Variants in DZANK1 observed in about 807,000 individuals in gnomAD.
DZANK1 encodes the protein double zinc ribbon and ankyrin repeat domains 1, also known as double zinc ribbon and ankyrin repeat-containing protein 1.
DZANK1 carries 91 observed loss-of-function variants against 94.5 expected under a neutral mutation model. That is an observed-to-expected ratio of 0.96 (90% CI 0.81 to 1.15). DZANK1 has a LOEUF of 1.15. DZANK1 is among the 50% of genes most tolerant of loss of function. The probability of loss-of-function intolerance (pLI) is 0.00; values close to 1 mark genes in which losing one functional copy is unlikely to be tolerated. For missense variants in DZANK1, 903 were observed against 916.4 expected, an observed-to-expected ratio of 0.99 and a Z score of 0.19; for synonymous variants, 312 against 325.3, an observed-to-expected ratio of 0.96 and a Z score of 0.44.
chr20:18,436,471 C>G (rs6081139), intron 8 of DZANK1, among the ~76,000 whole-genome samples: 99,742 of 147,968 alleles, frequency 0.67, 35,069 homozygotes, highest in Non-Finnish European at 0.78. Context: ...ATCACCAGAG[C>G]GACTCAACAG....
intron 13 of DZANK1, among the ~76,000 whole-genome samples, chr20:18,409,519 T>C (rs1600824130): frequency 6.7e-6 from 1 of 149,562 alleles, no homozygotes; most frequent in Non-Finnish European, 1.5e-5. Flanking sequence ...TTCTTTAGGC[T>C]GAAAGCACAT....
At chr20:18,413,853 T>TC (rs1294546078) in intron 12 of DZANK1, among the ~76,000 whole-genome samples, 37 of 152,180 alleles carry the variant, frequency 2.4e-4, no homozygotes, top group African/African-American at 8.9e-4. Flanking sequence ...TGATCAATCT[T>TC]TAACTTCTTA....
At position 18,405,986 on chromosome 20, in the gene DZANK1, G is replaced by A. The variant is rs567417151; in HGVS notation, c.1432+6660C>T. Among the ~76,000 whole-genome samples, 16 of 152,352 alleles carry A rather than the reference G, an allele frequency of 1.1e-4. No homozygotes were observed. In the East Asian group the frequency reaches 3.1e-3, roughly 29 times the overall value. On this transcript the variant is annotated intron_variant, in intron 13 of 20. Transcript: ENST00000262547. ...TGGGCTCAGCCAGTGCCCGCACATG[G>A]AGGGAGCATTTGGACCAACCGTAGC...
intron 2 of DZANK1, among the ~76,000 whole-genome samples, chr20:18,461,031 G>A (rs533765264): frequency 1.3e-3 from 198 of 152,270 alleles, no homozygotes; most frequent in African/African-American, 4.6e-3. Context: ...CCCTGCTCTT[G>A]AACCACTATG....
chr20:18,410,629 G>A (rs1160969320), intron 13 of DZANK1, among the ~76,000 whole-genome samples: 1 of 152,078 alleles, frequency 6.6e-6, no homozygotes, highest in Non-Finnish European at 1.5e-5. Context: ...AAACAAACAG[G>A]GATTGTCAGA....
rs1316933115 is a variant in DZANK1 at position 18,441,428 on chromosome 20, C to A, written c.747+1919G>T. ...ACATAGAAACCACAACTAATTTGAA[C>A]AGGAAAAGTTCATATAAATAGTTAT... On this transcript the variant is annotated intron_variant, in intron 8 of 20. Coordinates refer to ENST00000262547, the Ensembl canonical transcript of DZANK1. This position sits in a 1 kb window ranked among gnomAD's most constrained non-coding sequence, Gnocchi z 4.1. 1.3e-5 allele frequency among the ~76,000 whole-genome samples: 2 copies of A among 152,148 alleles called. No homozygotes were observed. The highest frequency in any genetic ancestry group is 1.5e-5 in the Non-Finnish European group (1 of 68,040).
Position 18,422,799 on chromosome 20 carries a change from C to CTTTTTTTTTT in DZANK1, c.954+4258_954+4267dup, listed in dbSNP as rs55683540. On this transcript the variant is annotated intron_variant, in intron 10 of 20. Coordinates refer to ENST00000262547, the Ensembl canonical transcript of DZANK1. ...GAAGTGTGATGTCTCTGGCTTTGTT[C>CTTTTTTTTTT]TTTTTTTTTTTTTTTCTCAAAATTG... Among the ~76,000 whole-genome samples, 103 of 124,718 alleles carry CTTTTTTTTTT rather than the reference C, an allele frequency of 8.3e-4. 4 individuals are homozygous for CTTTTTTTTTT. The highest frequency in any genetic ancestry group is 1.2e-3 in the Non-Finnish European group (73 of 60,264). 81.8% of individuals were successfully genotyped at this position (124,718 alleles called of 152,430 possible).
At chr20:18,442,331 T>C (rs1721254517) in intron 8 of DZANK1, among the ~76,000 whole-genome samples, 1 of 152,214 alleles carries the variant, frequency 6.6e-6, no homozygotes, top group Non-Finnish European at 1.5e-5. Context: ...TGGGACTTGT[T>C]CATATTTTGT....
exon 13 of DZANK1, chr20:18,412,681 T>C: frequency 6.2e-7 from 1 of 1,613,254 alleles, no homozygotes; most frequent in Non-Finnish European, 8.5e-7. Context: ...GAGGGGTTTA[T>C]GGTCACTCAT....
chr20:18,400,352 T>C (rs1313511399), intron 13 of DZANK1, among the ~76,000 whole-genome samples: 1 of 152,164 alleles, frequency 6.6e-6, no homozygotes, highest in Non-Finnish European at 1.5e-5. Flanking sequence ...ATGGAGAACA[T>C]GTCTCACAGT....
chr20:18,447,674 C>T (rs1383239537), intron 7 of DZANK1, among the ~76,000 whole-genome samples: 3 of 151,818 alleles, frequency 2.0e-5, no homozygotes, highest in Admixed American at 1.3e-4. Flanking sequence ...GACACTTTAC[C>T]AAAGAAGATG....
At position 18,448,250 on chromosome 20, in the gene DZANK1, G is replaced by C. The variant is rs148411745; in HGVS notation, c.629+734C>G. Among the ~76,000 whole-genome samples, 367 of 152,304 alleles carry C rather than the reference G, an allele frequency of 2.4e-3. 6 individuals carry two copies. Among genetic ancestry groups the C allele is most frequent in the Admixed American group, 0.02 (309 of 15,292 alleles). ...TACAAGGAACAACATAGATGAATCT[G>C]AAAATAGTTACGCTGAGTGAAAGAA... is the stretch of plus-strand genomic sequence containing the variant. On this transcript the variant is annotated intron_variant, in intron 7 of 20. Transcript: ENST00000262547.
At chr20:18,404,266 T>A (rs554215783) in intron 13 of DZANK1, among the ~76,000 whole-genome samples, 1 of 152,168 alleles carries the variant, frequency 6.6e-6, no homozygotes, top group African/African-American at 2.4e-5. Flanking sequence ...ATTAAACCAG[T>A]CCGTGAAGCA....
chr20:18,415,565 TTTTG>T (rs1466365932), intron 10 of DZANK1, 116 bp from the exon 11 acceptor site: 239 of 1,107,126 alleles, frequency 2.2e-4, no homozygotes, highest in East Asian at 4.4e-4. Context: ...ATAGTGTTTT[TTTTG>T]TTTTGTTTTG....
chr20:18,388,950 T>C (rs1260317807), intron 19 of DZANK1, among the ~76,000 whole-genome samples: 1 of 152,216 alleles, frequency 6.6e-6, no homozygotes, highest in African/African-American at 2.4e-5. Context: ...GACCTCGCCT[T>C]AGTAAGACTT....
chr20:18,422,647 T>G (rs2057837301), intron 10 of DZANK1, among the ~76,000 whole-genome samples: 1 of 152,096 alleles, frequency 6.6e-6, no homozygotes, highest in Non-Finnish European at 1.5e-5. Context: ...TTGGGTCCCA[T>G]CATCAAGATA....
At chr20:18,457,198 G>A (rs2059321123) in intron 3 of DZANK1, among the ~76,000 whole-genome samples, 1 of 152,188 alleles carries the variant, frequency 6.6e-6, no homozygotes, top group African/African-American at 2.4e-5. Context: ...TTTATGGCAG[G>A]GCACGGTGGC....
At chr20:18,395,217 T>TG (rs1441885443) in intron 15 of DZANK1, among the ~76,000 whole-genome samples, 1 of 152,046 alleles carries the variant, frequency 6.6e-6, no homozygotes, top group African/African-American at 2.4e-5. Flanking sequence ...AAAACTTAGC[T>TG]GGGTGTGGTG....
chr20:18,447,212 A>G (rs2058909704), intron 7 of DZANK1, among the ~76,000 whole-genome samples: 2 of 152,168 alleles, frequency 1.3e-5, no homozygotes, highest in Non-Finnish European at 2.9e-5. Context: ...GTGGTGGCTC[A>G]CGCCTATAAT....
Sources: allele counts gnomAD v4.1 joint callset (sites outside exome capture counted in the v4.1 genomes callset), GRCh38; gene constraint gnomAD v4.1.1; non-coding constraint Gnocchi (gnomAD v3.1); transcripts MANE v1.5; gene names NCBI Gene and HGNC (gene_info 2026-07-23, HGNC 2026-07-21).